Variants in DNAH11 observed in about 807,000 individuals in gnomAD.
DNAH11 encodes the protein dynein axonemal heavy chain 11.
DNAH11 carries 442 observed loss-of-function variants against 526.0 expected under a neutral mutation model. The observed-to-expected ratio is 0.84, with a 90% CI of 0.78 to 0.91. The LOEUF (loss-of-function observed/expected upper bound fraction) is 0.91. Ranked by LOEUF, DNAH11 falls within the 40% of genes least tolerant of loss-of-function variation. The probability of loss-of-function intolerance (pLI) is 0.00; values close to 1 mark genes in which losing one functional copy is unlikely to be tolerated. For synonymous variants in DNAH11, 2,461 were observed against 1,935.9 expected (o/e 1.27, Z -7.12); for missense variants, 6,989 against 5,448.7 (o/e 1.28, Z -8.90).
At chr7:21,560,274 T>G (rs578229376) in intron 4 of DNAH11, among the ~76,000 whole-genome samples, 1 of 152,276 alleles carries the variant, frequency 6.6e-6, no homozygotes, top group African/African-American at 2.4e-5. Flanking sequence ...AAAATTAATA[T>G]TTTACATATA....
intron 28 of DNAH11, among the ~76,000 whole-genome samples, chr7:21,640,367 G>A (rs1346098896): frequency 6.6e-6 from 1 of 152,162 alleles, no homozygotes; most frequent in Non-Finnish European, 1.5e-5. Flanking sequence ...CAGGGTGACT[G>A]TATGAGGGTA....
Position 21,828,493 on chromosome 7 carries a change from T to G in DNAH11, c.10691+10154T>G, listed in dbSNP as rs1354247565. Among the ~76,000 whole-genome samples, 19 of 152,200 alleles carry G rather than the reference T, an allele frequency of 1.2e-4. 1 individual carries two copies. The highest frequency in any genetic ancestry group is 1.2e-3 in the Admixed American group (19 of 15,274). On this transcript the variant is annotated intron_variant, in intron 65 of 81. Coordinates refer to ENST00000409508, the MANE Select transcript of DNAH11 (RefSeq NM_001277115.2). The stretch of plus-strand genomic sequence containing the variant: ...TAGTGTAATCTTTAGCATTTGCAGA[T>G]AAAGCATTCTCACATTCAGTCATCT...
rs867620918 is a variant in DNAH11, at chr7:21,725,768, A to T, written c.7267-43A>T. ...ATTTGTTTCTTTTTTTACAGTTTTA[A>T]TTACTTTGAGTCTGCAATAAGGATT... is the stretch of plus-strand genomic sequence containing the variant. On this transcript the variant is annotated intron_variant, in intron 44 of 81. Transcript: ENST00000409508. The T allele has an allele frequency of 2.6e-6, 4 of 1,556,196 alleles. No individual in the cohort carries two copies. In the African/African-American group the frequency reaches 5.4e-5, roughly 21 times the overall value.
chr7:21,829,204 T>C lies in DNAH11; in HGVS notation c.10691+10865T>C, dbSNP rs143840264. Among the ~76,000 whole-genome samples, 345 of 152,246 alleles carry C rather than the reference T, an allele frequency of 2.3e-3. 1 individual carries two copies. The highest frequency in any genetic ancestry group is 7.6e-3 in the African/African-American group (315 of 41,556). ...GGCTTTTAGATGTCCATTGAAAAGT[T>C]TATTTCTTCTCCTAAATGTGTTTCC... On this transcript the variant is annotated intron_variant, in intron 65 of 81. Transcript: ENST00000409508.
Position 21,900,084 on chromosome 7 carries a change from A to C in DNAH11, c.13267A>C (p.Arg4423=). Residue 4423 remains arginine (R), a synonymous_variant, in exon 81 of 82, where the codon AGG becomes CGG. Coordinates refer to ENST00000409508, the MANE Select transcript of DNAH11 (RefSeq NM_001277115.2). ...AAAGGAAGATTATGGACACCCGCCA[A>C]GGGAAGGTGCATACCTCCACGGACT... ...KTKEDYGHPP[R]EGAYLHGLFM... 1 of 1,613,992 alleles carries C rather than the reference A, an allele frequency of 6.2e-7. No homozygotes were observed. Among genetic ancestry groups the C allele is most frequent in the Non-Finnish European group, 8.5e-7 (1 of 1,179,876 alleles).
At chr7:21,573,920 T>C (rs1474934919) in intron 8 of DNAH11, among the ~76,000 whole-genome samples, 1 of 152,214 alleles carries the variant, frequency 6.6e-6, no homozygotes, top group Non-Finnish European at 1.5e-5. Flanking sequence ...CTTTTTGAAA[T>C]GCTGTTGTTT....
chr7:21,568,188 A>T (rs961739172), intron 6 of DNAH11, among the ~76,000 whole-genome samples: 1 of 152,188 alleles, frequency 6.6e-6, no homozygotes, highest in African/African-American at 2.4e-5. Flanking sequence ...ATTGATAAAT[A>T]AGTTGGTAAG....
At chr7:21,653,400 A>C (rs1232103710) in intron 28 of DNAH11, among the ~76,000 whole-genome samples, 1 of 152,196 alleles carries the variant, frequency 6.6e-6, no homozygotes, top group Non-Finnish European at 1.5e-5. Flanking sequence ...CATGTATAAG[A>C]AATAGGAGAA....
At position 21,636,032 on chromosome 7, in the gene DNAH11, AGAT is replaced by A. The variant is rs1786848710; in HGVS notation, c.4663_4665del (p.Asp1555del). Reference sequence around the variant, plus strand: ...TGGAAAGCATTTTTGTCTGTTCAGAAGATATTCGAATCCAGCTTGTGAAAGATG... The same window carrying A: ...TGGAAAGCATTTTTGTCTGTTCAGAAATTCGAATCCAGCTTGTGAAAGATG... On this transcript the variant is annotated inframe_deletion, in exon 26 of 82. Coordinates refer to ENST00000409508, the MANE Select transcript of DNAH11 (RefSeq NM_001277115.2). 6.2e-7 allele frequency: 1 copy of A among 1,613,590 alleles called. No individual in the cohort carries two copies. Among genetic ancestry groups the A allele is most frequent in the African/African-American group, 1.3e-5 (1 of 74,926 alleles).
rs772836798 is a variant in DNAH11, at chr7:21,591,205, T to C, written c.2295T>C (p.Leu765=). The change falls in exon 14 of 82, where the codon CTT becomes CTC. Residue 765 remains leucine (L), a synonymous_variant. Transcript: ENST00000409508. ...CTCAGTACATTGGAAATCTTGACCT[T>C]CTTGTGCAAGGGTATAATAAACTCA... ...TILKYIGNLD[L]LVQGYNKLKQ... is the part of the protein sequence containing the mutation. The C allele has an allele frequency of 1.9e-6, 3 of 1,547,968 alleles. No individual in the cohort carries two copies. The African/African-American group carries it at 4.2e-5, about 21-fold the overall frequency.
chr7:21,835,884 C>T (rs998625409), intron 65 of DNAH11, among the ~76,000 whole-genome samples: 36 of 149,732 alleles, frequency 2.4e-4, no homozygotes, highest in African/African-American at 5.9e-4. Context: ...AAAAAAAAAC[C>T]GTTAGAACTA....
At chr7:21,754,960 A>G (rs1583661504) in intron 54 of DNAH11, among the ~76,000 whole-genome samples, 1 of 152,226 alleles carries the variant, frequency 6.6e-6, no homozygotes, top group Non-Finnish European at 1.5e-5. Flanking sequence ...ACCAGTGTGT[A>G]CTAAAGACTC....
rs1376270112 is a variant in DNAH11 at position 21,596,208 on chromosome 7, G to T, written c.2668-3579G>T. Among the ~76,000 whole-genome samples, 2 of 152,138 alleles carry T rather than the reference G, an allele frequency of 1.3e-5. 1 individual carries two copies. Among genetic ancestry groups the T allele is most frequent in the African/African-American group, 4.8e-5 (2 of 41,426 alleles). ...AGTACTGCCTGGAATAGCGTCCCAAGGCTGCCATGACAAGGTCCACAAACA... is the reference window on the plus strand; with the variant it reads ...AGTACTGCCTGGAATAGCGTCCCAATGCTGCCATGACAAGGTCCACAAACA... On this transcript the variant is annotated intron_variant, in intron 14 of 81. Coordinates refer to ENST00000409508, the MANE Select transcript of DNAH11 (RefSeq NM_001277115.2).
In DNAH11 at chr7:21,607,553, G is replaced by C. The variant is rs560162008; in HGVS notation, c.3852+820G>C. Among the ~76,000 whole-genome samples, 6 of 152,216 alleles carry C rather than the reference G, an allele frequency of 3.9e-5. 1 individual carries two copies. In the South Asian group the frequency reaches 1.0e-3, roughly 26 times the overall value. ...GTCCTTACTATATGTCAAGAATTTT[G>C]TTAAGCATATGACTTTCATTATTTC... On this transcript the variant is annotated intron_variant, in intron 20 of 81. Coordinates refer to ENST00000409508, the MANE Select transcript of DNAH11 (RefSeq NM_001277115.2).
At chr7:21,837,366 A>C (rs553847181) in intron 65 of DNAH11, among the ~76,000 whole-genome samples, 1 of 152,338 alleles carries the variant, frequency 6.6e-6, no homozygotes, top group South Asian at 2.1e-4. Context: ...AAAGTATGGT[A>C]TATATACACA....
In DNAH11 at chr7:21,867,980, G is replaced by C. The variant is rs1783347554; in HGVS notation, c.11812G>C (p.Asp3938His). 1 of 1,558,880 alleles carries C rather than the reference G, an allele frequency of 6.4e-7. No homozygotes were observed. Among genetic ancestry groups the C allele is most frequent in the Non-Finnish European group, 8.7e-7 (1 of 1,150,430 alleles). The change falls in exon 72 of 82, where the codon GAT (aspartate) becomes CAT (histidine). Residue 3938 changes from aspartate (D) to histidine (H), a missense_variant. Asp to His is a moderately conservative substitution (Grantham distance 81). Coordinates refer to ENST00000409508, the MANE Select transcript of DNAH11 (RefSeq NM_001277115.2). ...ATTCTTCATCCTGTCTCCGGGGGTA[G>C]ATGCCCTTAAAGACCTGGAGATTCT... ...PIFFILSPGV[D>H]ALKDLEILGK...
chr7:21,702,724 G>C lies in DNAH11; in HGVS notation c.6195G>C (p.Trp2065Cys). Residue 2065 changes from tryptophan (W) to cysteine (C), a missense_variant, in exon 37 of 82, where the codon TGG (tryptophan) becomes TGC (cysteine). Trp to Cys is a radical substitution (Grantham distance 215). Coordinates refer to ENST00000409508, the MANE Select transcript of DNAH11 (RefSeq NM_001277115.2). ...TTTGATTTTAGGATCATTACGACTG[G>C]GGACTTCGTGCTATTAAGTCTGTCT... is the stretch of plus-strand genomic sequence containing the variant. ...ELLSKQDHYD[W>C]GLRAIKSVLV... The C allele has an allele frequency of 6.2e-7, 1 of 1,613,468 alleles. No individual in the cohort carries two copies. The highest frequency in any genetic ancestry group is 8.5e-7 in the Non-Finnish European group (1 of 1,179,648).
intron 39 of DNAH11, among the ~76,000 whole-genome samples, chr7:21,707,227 G>A (rs978233073): frequency 6.6e-6 from 1 of 152,154 alleles, no homozygotes; most frequent in African/African-American, 2.4e-5. Context: ...TGTTGGAACT[G>A]TACATTACTG....
chr7:21,787,942 C>T (rs1037130507), intron 60 of DNAH11, among the ~76,000 whole-genome samples: 7 of 152,190 alleles, frequency 4.6e-5, no homozygotes, highest in Admixed American at 6.5e-5. Flanking sequence ...AGCGCCTGCT[C>T]TCAAAGCAAA....
Sources: gnomAD v4.1 joint callset for allele counts (sites outside exome capture counted in the v4.1 genomes callset) on GRCh38, gnomAD v4.1.1 for gene constraint, MANE v1.5 for transcripts, NCBI Gene and HGNC (gene_info 2026-07-23, HGNC 2026-07-21) for gene names.